CDH8: variants seen among roughly 807,000 people sequenced by gnomAD.
CDH8 encodes cadherin 8.
Under a neutral mutation model 68.1 loss-of-function variants are expected in CDH8, and 17 were observed. That is an observed-to-expected ratio of 0.25 (90% confidence interval 0.17 to 0.37). The LOEUF is 0.37. Ranked by LOEUF, CDH8 falls within the 10% of genes least tolerant of loss-of-function variation. The pLI is 1.00. For missense variants in CDH8, 763 were observed against 999.3 expected (o/e 0.76, Z 3.19); for synonymous variants, 372 against 365.1 (o/e 1.02, Z -0.21).
At chr16:61,759,807 T>C (rs1423809170) in intron 8 of CDH8, among the ~76,000 whole-genome samples, 1 of 152,194 alleles carries the variant, frequency 6.6e-6, no homozygotes, top group African/African-American at 2.4e-5. Context: ...ACATTAATTA[T>C]TTAATACTCC....
chr16:61,672,027 C>T (rs1963806838), intron 10 of CDH8, among the ~76,000 whole-genome samples: 1 of 152,056 alleles, frequency 6.6e-6, no homozygotes, highest in African/African-American at 2.4e-5. Flanking sequence ...TGAAGTCATG[C>T]ATTATTTCAT....
intron 2 of CDH8, among the ~76,000 whole-genome samples, chr16:61,953,763 G>C (rs1232947535): frequency 1.3e-5 from 2 of 151,228 alleles, no homozygotes; most frequent in South Asian, 2.1e-4. Flanking sequence ...CAGCTACTTG[G>C]GGGGCTGAGG....
intron 9 of CDH8, 151 bp downstream of exon 9, chr16:61,726,943 A>G (rs1959390723): frequency 1.2e-6 from 1 of 810,084 alleles, no homozygotes. Flanking sequence ...ATGGAGAAAA[A>G]AAATTCCCTC....
At position 61,960,332 on chromosome 16, in the gene CDH8, T is replaced by TACACACATATATACGTGTGTGTGTAC. The variant is rs1567546537; in HGVS notation, c.253-58860_253-58859insGTACACACACACGTATATATGTGTGT. Among the ~76,000 whole-genome samples, 7 of 72,380 alleles carry TACACACATATATACGTGTGTGTGTAC rather than the reference T, an allele frequency of 9.7e-5. 3 individuals are homozygous for TACACACATATATACGTGTGTGTGTAC. Among genetic ancestry groups the TACACACATATATACGTGTGTGTGTAC allele is most frequent in the African/African-American group, 6.5e-4 (7 of 10,774 alleles). 47.5% of individuals were successfully genotyped at this position (72,380 alleles called of 152,430 possible). The stretch of plus-strand genomic sequence containing the variant: ...ACACACATATATACGTGTGTGTGTA[T>TACACACATATATACGTGTGTGTGTAC]ACACACATATATACATGTGTGTGTG... On this transcript the variant is annotated intron_variant, in intron 2 of 11. Coordinates refer to ENST00000577390, the MANE Select transcript of CDH8 (RefSeq NM_001796.5).
intron 8 of CDH8, among the ~76,000 whole-genome samples, chr16:61,734,528 G>C (rs368913846): frequency 6.6e-6 from 1 of 152,034 alleles, no homozygotes; most frequent in East Asian, 1.9e-4. Context: ...CTTTGTGAGA[G>C]GCAAGTCCTT....
At chr16:61,914,933 T>C (rs894496212) in intron 2 of CDH8, among the ~76,000 whole-genome samples, 3 of 152,134 alleles carry the variant, frequency 2.0e-5, no homozygotes, top group African/African-American at 7.2e-5. Flanking sequence ...ATAATGCATT[T>C]GTTTCATTTT....
chr16:61,840,011 C>T (rs528698819), intron 4 of CDH8, among the ~76,000 whole-genome samples: 3 of 152,234 alleles, frequency 2.0e-5, no homozygotes, highest in Admixed American at 1.3e-4. Flanking sequence ...TTTGCCAAGA[C>T]TTTCAGCACC....
chr16:61,767,933 A>G (rs1229413205), intron 8 of CDH8, among the ~76,000 whole-genome samples: 3 of 151,872 alleles, frequency 2.0e-5, no homozygotes, highest in Non-Finnish European at 2.9e-5. Flanking sequence ...AGAGAGATAC[A>G]ATAGCTGCCC....
intron 1 of CDH8, among the ~76,000 whole-genome samples, chr16:62,034,834 T>G (rs1902414111): frequency 6.6e-6 from 1 of 152,222 alleles, no homozygotes; most frequent in African/African-American, 2.4e-5. Context: ...AGCCCGATTT[T>G]CCATTACGGA....
At chr16:61,784,729 C>A (rs975514596) in intron 8 of CDH8, among the ~76,000 whole-genome samples, 2 of 149,656 alleles carry the variant, frequency 1.3e-5, no homozygotes, top group African/African-American at 2.5e-5. Context: ...GAAATTATAA[C>A]AAACTGTCTC....
intron 9 of CDH8, among the ~76,000 whole-genome samples, chr16:61,714,721 A>G (rs148433239): frequency 5.0e-4 from 76 of 151,722 alleles, no homozygotes; most frequent in Non-Finnish European, 1.0e-3. Flanking sequence ...TGTATTTATG[A>G]TTCTGTGATA....
chr16:61,650,565 T>C lies in CDH8; in HGVS notation c.*3043A>G, dbSNP rs1438219177. On this transcript the variant is annotated 3_prime_UTR_variant, in exon 12 of 12. Transcript: ENST00000577390. The stretch of plus-strand genomic sequence containing the variant: ...AATTGAGCATGGGATACTTAAATCT[T>C]AGAAAATGTTAGGAACCTTATTGAT... 6.6e-6 allele frequency: 1 copy of C among 152,090 alleles called. No individual in the cohort carries two copies. The highest frequency in any genetic ancestry group is 1.5e-5 in the Non-Finnish European group (1 of 68,014). The allele number at this position is 152,090 out of a possible 1,614,324, so 9.4% of individuals were successfully genotyped here.
At position 62,029,413 on chromosome 16, in the gene CDH8, G is replaced by T. The variant is rs559335558; in HGVS notation, c.-200+6667C>A. Among the ~76,000 whole-genome samples, 8 of 152,080 alleles carry T rather than the reference G, an allele frequency of 5.3e-5. 1 individual carries two copies. In the South Asian group the frequency reaches 1.7e-3, roughly 32 times the overall value. On this transcript the variant is annotated intron_variant, in intron 1 of 11. Coordinates refer to ENST00000577390, the MANE Select transcript of CDH8 (RefSeq NM_001796.5). Reference sequence around the variant, plus strand: ...AACAAAAATGGCATGAACCAGGGTGGGTATAAATAAAATAGCATTTTAGAA... The same window carrying T: ...AACAAAAATGGCATGAACCAGGGTGTGTATAAATAAAATAGCATTTTAGAA...
intron 9 of CDH8, among the ~76,000 whole-genome samples, chr16:61,723,238 G>A (rs1292907731): frequency 6.6e-6 from 1 of 150,680 alleles, no homozygotes; most frequent in Non-Finnish European, 1.5e-5. Flanking sequence ...AGGTCCTCTG[G>A]CCAACATTGG....
intron 7 of CDH8, among the ~76,000 whole-genome samples, chr16:61,816,518 C>T (rs1262280223): frequency 6.6e-6 from 1 of 152,230 alleles, no homozygotes; most frequent in African/African-American, 2.4e-5. Context: ...ATCAGCTGGA[C>T]AATTCTTTAA....
intron 10 of CDH8, among the ~76,000 whole-genome samples, chr16:61,695,725 T>C (rs947924505): frequency 6.6e-6 from 1 of 152,182 alleles, no homozygotes; most frequent in African/African-American, 2.4e-5. Flanking sequence ...CTTAGTAATA[T>C]CTAGAAGAAA....
At chr16:61,720,170 G>T (rs549765128) in intron 9 of CDH8, among the ~76,000 whole-genome samples, 1 of 150,984 alleles carries the variant, frequency 6.6e-6, no homozygotes, top group Non-Finnish European at 1.5e-5. Context: ...TATCTACATA[G>T]CTTAATGGTT....
intron 7 of CDH8, among the ~76,000 whole-genome samples, chr16:61,814,043 G>T (rs1434076504): frequency 1.3e-5 from 2 of 152,136 alleles, no homozygotes; most frequent in African/African-American, 4.8e-5. Flanking sequence ...ATGTGAAATT[G>T]ATGGTGGCTT....
intron 2 of CDH8, among the ~76,000 whole-genome samples, chr16:62,006,293 C>T (rs895346190): frequency 5.9e-5 from 9 of 152,076 alleles, no homozygotes; most frequent in African/African-American, 1.9e-4. Context: ...AGAGCCCTTC[C>T]GTGTGTAAAG....
Sources: gnomAD v4.1 joint callset for allele counts (sites outside exome capture counted in the v4.1 genomes callset) on GRCh38, gnomAD v4.1.1 for gene constraint, MANE v1.5 for transcripts, NCBI Gene and HGNC (gene_info 2026-07-23, HGNC 2026-07-21) for gene names.